The following CHCHD2 variants were observed in gnomAD, a reference collection of about 807,000 sequenced individuals.
CHCHD2 encodes the protein coiled-coil-helix-coiled-coil-helix domain containing 2, also known as coiled-coil-helix-coiled-coil-helix domain-containing protein 2.
In CHCHD2, 17 loss-of-function variants were observed where a neutral mutation model predicts 17.5. The observed-to-expected ratio is 0.97, with a 90% confidence interval of 0.67 to 1.46. The LOEUF (loss-of-function observed/expected upper bound fraction) is 1.46. CHCHD2 is among the 40% of genes most tolerant of loss of function. The probability of loss-of-function intolerance (pLI) is 0.00; values close to 1 mark genes in which losing one functional copy is unlikely to be tolerated. For missense variants in CHCHD2, 175 were observed against 199.9 expected (o/e 0.88, Z 0.75); for synonymous variants, 63 against 74.3 (o/e 0.85, Z 0.78).
chr7:56,103,085 C>A, intron 2 of CHCHD2, 74 bp from the exon 3 acceptor site: 2 of 1,510,084 alleles, frequency 1.3e-6, no homozygotes, highest in South Asian at 1.1e-5. Context: ...GAGTATCCAT[C>A]CTCTTTGAGG....
Position 56,101,672 on chromosome 7 carries a change from A to G in CHCHD2, c.*179T>C, listed in dbSNP as rs1333886920. The G allele has an allele frequency of 5.4e-5, 31 of 571,202 alleles. No individual in the cohort carries two copies. The East Asian group carries it at 7.4e-4, about 14-fold the overall frequency. 35.4% of individuals were successfully genotyped at this position (571,202 alleles called of 1,614,324 possible). ...CACACAAACATTTGCCCAGTCCCAGATTCTACAGAGTAGGGACACCCCCAC... is the reference window on the plus strand; with the variant it reads ...CACACAAACATTTGCCCAGTCCCAGGTTCTACAGAGTAGGGACACCCCCAC... On this transcript the variant is annotated 3_prime_UTR_variant, in exon 4 of 4. Coordinates refer to ENST00000395422, the MANE Select transcript of CHCHD2 (RefSeq NM_016139.4).
At chr7:56,105,506 T>C (rs1373487838) in intron 1 of CHCHD2, among the ~76,000 whole-genome samples, 1 of 152,216 alleles carries the variant, frequency 6.6e-6, no homozygotes, top group African/African-American at 2.4e-5. Flanking sequence ...TGCGGAGTGG[T>C]GGCTCTTGCC....
intron 1 of CHCHD2, among the ~76,000 whole-genome samples, chr7:56,105,049 T>C (rs1290806423): frequency 6.6e-6 from 1 of 151,896 alleles, no homozygotes; most frequent in South Asian, 2.1e-4. Flanking sequence ...TAGCTGGGAT[T>C]ACAGGCGCGC....
rs1265232048 is a variant in CHCHD2, at chr7:56,101,592, T to C, written c.*259A>G. On this transcript the variant is annotated 3_prime_UTR_variant, in exon 4 of 4. Coordinates refer to ENST00000395422, the MANE Select transcript of CHCHD2 (RefSeq NM_016139.4). Reference sequence around the variant, plus strand: ...CATACCTTGGAAGAAAATGACTTTATTCTAATTAACTCACAAAGAATAAAA... The same window carrying C: ...CATACCTTGGAAGAAAATGACTTTACTCTAATTAACTCACAAAGAATAAAA... 6 of 434,984 alleles carry C rather than the reference T, an allele frequency of 1.4e-5. No individual in the cohort carries two copies. Among genetic ancestry groups the C allele is most frequent in the African/African-American group, 4.1e-5 (2 of 48,850 alleles). The allele number at this position is 434,984 out of a possible 1,614,324, so 26.9% of individuals were successfully genotyped here. A position where few individuals can be genotyped will look rare whatever the true frequency, so the allele number is the denominator to read the frequency against.
intron 2 of CHCHD2, among the ~76,000 whole-genome samples, chr7:56,103,521 T>C (rs1785324053): frequency 6.6e-6 from 1 of 152,202 alleles, no homozygotes. Flanking sequence ...CTCAAACTTC[T>C]GGGTTCAAGC....
At chr7:56,104,956 A>G (rs1179638374) in intron 1 of CHCHD2, among the ~76,000 whole-genome samples, 1 of 142,148 alleles carries the variant, frequency 7.0e-6, no homozygotes, top group East Asian at 2.1e-4. Context: ...TGATGCCCAG[A>G]CTGGAGTGCA....
At chr7:56,103,619 AAGCCAAC>A (rs1294673217) in intron 2 of CHCHD2, among the ~76,000 whole-genome samples, 1 of 152,204 alleles carries the variant, frequency 6.6e-6, no homozygotes, top group African/African-American at 2.4e-5. Flanking sequence ...TAAAAGCTGA[AAGCCAAC>A]AGTTTTAACA....
intron 1 of CHCHD2, among the ~76,000 whole-genome samples, chr7:56,105,237 T>C (rs1421391789): frequency 1.3e-5 from 2 of 152,180 alleles, no homozygotes; most frequent in Non-Finnish European, 2.9e-5. Flanking sequence ...ATAATAGTAA[T>C]AGCCTAGGAC....
At chr7:56,103,762 A>G (rs1465551020) in intron 2 of CHCHD2, among the ~76,000 whole-genome samples, 2 of 152,216 alleles carry the variant, frequency 1.3e-5, no homozygotes, top group African/African-American at 2.4e-5. Flanking sequence ...ATTATAGAAA[A>G]CTGGATGGAG....
At chr7:56,104,615 T>TC in intron 1 of CHCHD2, 140 bp from the exon 2 acceptor site, 1 of 1,100,290 alleles carries the variant, frequency 9.1e-7, no homozygotes, top group East Asian at 2.7e-5. Flanking sequence ...TCTTCAATTT[T>TC]TTTTTTTTTG....
rs752972663 is a variant in CHCHD2, at chr7:56,106,433, G to C, written c.-20C>G. The stretch of plus-strand genomic sequence containing the variant: ...CGGCATCCTAGGTAAGCGACGGCTA[G>C]GCCTCCGGACGTGGGACAACCACCG... On this transcript the variant is annotated 5_prime_UTR_variant, in exon 1 of 4. Coordinates refer to ENST00000395422, the MANE Select transcript of CHCHD2 (RefSeq NM_016139.4). The C allele has an allele frequency of 5.0e-6, 8 of 1,612,952 alleles. No homozygotes were observed. The highest frequency in any genetic ancestry group is 1.6e-4 in the Middle Eastern group (1 of 6,082).
chr7:56,101,658 T>C lies in CHCHD2; in HGVS notation c.*193A>G, dbSNP rs1360069341. ...TAGTTTAAGGAGGCCACACAAACATTTGCCCAGTCCCAGATTCTACAGAGT... is the reference window on the plus strand; with the variant it reads ...TAGTTTAAGGAGGCCACACAAACATCTGCCCAGTCCCAGATTCTACAGAGT... On this transcript the variant is annotated 3_prime_UTR_variant, in exon 4 of 4. Transcript: ENST00000395422. The C allele has an allele frequency of 9.4e-6, 5 of 529,170 alleles. No individual in the cohort carries two copies. Among genetic ancestry groups the C allele is most frequent in the Non-Finnish European group, 1.7e-5 (5 of 291,874 alleles). The allele number at this position is 529,170 out of a possible 1,614,324, so 32.8% of individuals were successfully genotyped here.
intron 2 of CHCHD2, among the ~76,000 whole-genome samples, chr7:56,103,625 A>C (rs149581099): frequency 6.6e-6 from 1 of 152,214 alleles, no homozygotes; most frequent in Admixed American, 6.6e-5. Context: ...CTGAAAGCCA[A>C]CAGTTTTAAC....
At chr7:56,103,408 C>T (rs559372002) in intron 2 of CHCHD2, among the ~76,000 whole-genome samples, 1 of 152,022 alleles carries the variant, frequency 6.6e-6, no homozygotes, top group African/African-American at 2.4e-5. Flanking sequence ...TGAACCCGGG[C>T]GGTGGAGCCT....
intron 1 of CHCHD2, among the ~76,000 whole-genome samples, chr7:56,106,121 C>T (rs1420337578): frequency 6.6e-6 from 1 of 152,196 alleles, no homozygotes; most frequent in African/African-American, 2.4e-5. Flanking sequence ...TTATGCCTTC[C>T]TACCACCTGG....
In CHCHD2 at chr7:56,106,400, C is replaced by A; in HGVS notation, c.14G>T (p.Ser5Ile). MPRG[S>I]RSRTSRMAPP... ...GGCCATGCGGGAGGTGCGGCTTCGG[C>A]TTCCACGCGGCATCCTAGGTAAGCG... The change falls in exon 1 of 4, where the codon AGC becomes ATC. Residue 5 changes from serine (S) to isoleucine (I), a missense_variant. Physicochemically the swap from Ser to Ile is moderately radical, Grantham distance 142. Transcript: ENST00000395422. 3 of 1,613,636 alleles carry A rather than the reference C, an allele frequency of 1.9e-6. No homozygotes were observed. The highest frequency in any genetic ancestry group is 2.2e-5 in the South Asian group (2 of 91,038).
At chr7:56,105,463 A>G (rs370124805) in intron 1 of CHCHD2, among the ~76,000 whole-genome samples, 1 of 152,232 alleles carries the variant, frequency 6.6e-6, no homozygotes, top group Non-Finnish European at 1.5e-5. Flanking sequence ...TGGAGTTTAC[A>G]TTTTATTGAC....
At chr7:56,102,776 C>T in intron 3 of CHCHD2, 91 bp downstream of exon 3, 2 of 1,382,430 alleles carry the variant, frequency 1.4e-6, no homozygotes, top group South Asian at 1.2e-5. Flanking sequence ...AAAGTCTTCT[C>T]TAATTTATTA....
intron 1 of CHCHD2, 97 bp from the exon 2 acceptor site, chr7:56,104,572 A>C: frequency 8.0e-7 from 1 of 1,254,220 alleles, no homozygotes; most frequent in Non-Finnish European, 1.1e-6. Flanking sequence ...GGACCTCAAG[A>C]TTTTCATTTC....
Sources: allele counts gnomAD v4.1 joint callset (sites outside exome capture counted in the v4.1 genomes callset), GRCh38; gene constraint gnomAD v4.1.1; transcripts MANE v1.5; gene names NCBI Gene and HGNC (gene_info 2026-07-23, HGNC 2026-07-21).